Variants in CUEDC1 observed in about 807,000 individuals in gnomAD.
CUEDC1 encodes the protein CUE domain-containing protein 1.
Under a neutral mutation model 43.7 loss-of-function variants are expected in CUEDC1, and 30 were observed. That is an observed-to-expected ratio of 0.69 (90% CI 0.51 to 0.93). CUEDC1 has a LOEUF of 0.93. Ranked by LOEUF, CUEDC1 falls within the 40% of genes least tolerant of loss-of-function variation. The pLI is 0.00. For missense variants in CUEDC1, 486 were observed against 549.0 expected, an observed-to-expected ratio of 0.89 and a Z score of 1.15; for synonymous variants, 223 against 223.6, an observed-to-expected ratio of 1.00 and a Z score of 0.02.
intron 1 of CUEDC1, among the ~76,000 whole-genome samples, chr17:57,919,320 C>T (rs191355831): frequency 3.9e-4 from 59 of 152,240 alleles, no homozygotes; most frequent in African/African-American, 1.4e-3. Flanking sequence ...GCTGGGATTA[C>T]AGGCAGGCAC....
intron 10 of CUEDC1, among the ~76,000 whole-genome samples, chr17:57,864,412 G>A (rs1267336640): frequency 6.6e-6 from 1 of 152,184 alleles, no homozygotes; most frequent in Non-Finnish European, 1.5e-5. Context: ...CAAGGGCAGA[G>A]CAACAAGGAG....
chr17:57,867,541 C>A, intron 8 of CUEDC1, 126 bp from the exon 9 acceptor site: 1 of 823,372 alleles, frequency 1.2e-6, no homozygotes, highest in Non-Finnish European at 2.0e-6. Flanking sequence ...ACCTGACCCC[C>A]CACACCCTTA....
At chr17:57,946,675 G>T (rs2143231807) in intron 1 of CUEDC1, among the ~76,000 whole-genome samples, 1 of 152,246 alleles carries the variant, frequency 6.6e-6, no homozygotes, top group Non-Finnish European at 1.5e-5. Context: ...TTCCTTTCAG[G>T]TGTACACCTG....
intron 2 of CUEDC1, among the ~76,000 whole-genome samples, chr17:57,882,277 A>G (rs1029685829): frequency 7.0e-6 from 1 of 142,028 alleles, no homozygotes; most frequent in Non-Finnish European, 1.5e-5. Flanking sequence ...CTGCCTGCCT[A>G]TGGGCCCAGG....
At chr17:57,920,621 C>A (rs959523448) in intron 1 of CUEDC1, among the ~76,000 whole-genome samples, 5 of 126,966 alleles carry the variant, frequency 3.9e-5, no homozygotes, top group Non-Finnish European at 8.1e-5. Context: ...TCTGAATTTT[C>A]TTTTTCTTTT....
chr17:57,886,845 G>C (rs2074296755), intron 1 of CUEDC1, among the ~76,000 whole-genome samples: 1 of 136,750 alleles, frequency 7.3e-6, no homozygotes, highest in Non-Finnish European at 1.5e-5. Context: ...TTGAGACGGA[G>C]TCTCGCTCTG....
intron 10 of CUEDC1, 124 bp downstream of exon 10, chr17:57,866,350 G>A (rs941185290): frequency 2.7e-6 from 2 of 735,008 alleles, no homozygotes; most frequent in Non-Finnish European, 4.6e-6. Context: ...AAGACACGTG[G>A]GGCCTGTGCT....
chr17:57,934,993 C>A (rs2143175876), intron 1 of CUEDC1, among the ~76,000 whole-genome samples: 1 of 152,318 alleles, frequency 6.6e-6, no homozygotes, highest in African/African-American at 2.4e-5. Context: ...CAGGCATGAG[C>A]CACCACACCC....
intron 1 of CUEDC1, among the ~76,000 whole-genome samples, chr17:57,893,593 C>A (rs2074379007): frequency 6.6e-6 from 1 of 152,120 alleles, no homozygotes; most frequent in Non-Finnish European, 1.5e-5. Context: ...CCCGAGGCCC[C>A]CAGAGCTGCT....
intron 2 of CUEDC1, 126 bp downstream of exon 2, chr17:57,885,103 A>G: frequency 2.1e-6 from 3 of 1,439,360 alleles, no homozygotes; most frequent in Non-Finnish European, 1.8e-6. Context: ...TAGAACCCAG[A>G]TAGCGGAGTA....
At chr17:57,926,173 G>A (rs1365579651) in intron 1 of CUEDC1, among the ~76,000 whole-genome samples, 3 of 152,204 alleles carry the variant, frequency 2.0e-5, no homozygotes, top group Non-Finnish European at 2.9e-5. Context: ...AGAGTCAAGT[G>A]CAGAGGTGAG....
chr17:57,867,067 T>C (rs2073969415), intron 9 of CUEDC1: 7 of 515,130 alleles, frequency 1.4e-5, no homozygotes, highest in Admixed American at 3.2e-5. Flanking sequence ...CAGGCCTGTC[T>C]GCCACCTCAC....
At chr17:57,864,458 C>G (rs896618763) in intron 10 of CUEDC1, among the ~76,000 whole-genome samples, 1 of 151,884 alleles carries the variant, frequency 6.6e-6, no homozygotes, top group South Asian at 2.1e-4. Flanking sequence ...GCAACAGGAG[C>G]CAGGAGAGAG....
intron 1 of CUEDC1, among the ~76,000 whole-genome samples, chr17:57,891,519 G>T (rs574430607): frequency 6.6e-6 from 1 of 152,268 alleles, no homozygotes; most frequent in Admixed American, 6.5e-5. Context: ...CCCTTCCTCT[G>T]CTCCATGCCT....
At chr17:57,939,463 G>A (rs1237548621) in intron 1 of CUEDC1, among the ~76,000 whole-genome samples, 1 of 133,202 alleles carries the variant, frequency 7.5e-6, no homozygotes, top group African/African-American at 2.8e-5. Flanking sequence ...ATGTGGGTGG[G>A]GGGAGAGGGT....
chr17:57,954,572 C>CGGCGG lies in CUEDC1; in HGVS notation c.-316+648_-316+652dup, dbSNP rs1314985968. ...AGCTCAGAGCCTGGGGCACAGGAGC[C>CGGCGG]GGCGGGGCGGGCGAGCAGGGGCGGG... On this transcript the variant is annotated intron_variant, in intron 1 of 10. Transcript: ENST00000577830. This position sits in a 1 kb window ranked among gnomAD's most constrained non-coding sequence, Gnocchi z 4.3. Among the ~76,000 whole-genome samples, 3 of 152,130 alleles carry CGGCGG rather than the reference C, an allele frequency of 2.0e-5. No individual in the cohort carries two copies. The highest frequency in any genetic ancestry group is 7.2e-5 in the African/African-American group (3 of 41,420).
chr17:57,945,745 C>T (rs927685095), intron 1 of CUEDC1, among the ~76,000 whole-genome samples: 20 of 152,212 alleles, frequency 1.3e-4, no homozygotes, highest in African/African-American at 4.1e-4. Context: ...TTTGGCCGGG[C>T]GTGGTGGCTC....
At chr17:57,913,529 T>A (rs183198149) in intron 1 of CUEDC1, among the ~76,000 whole-genome samples, 1 of 152,132 alleles carries the variant, frequency 6.6e-6, no homozygotes, top group East Asian at 1.9e-4. Context: ...TTTCCTGAGG[T>A]GCACCCAAAC....
intron 1 of CUEDC1, among the ~76,000 whole-genome samples, chr17:57,942,789 G>A (rs956245034): frequency 6.6e-6 from 1 of 151,902 alleles, no homozygotes; most frequent in African/African-American, 2.4e-5. Context: ...AGCACTTTGG[G>A]AGGCCGAGGC....
Sources: allele counts gnomAD v4.1 joint callset (sites outside exome capture counted in the v4.1 genomes callset), GRCh38; gene constraint gnomAD v4.1.1; non-coding constraint Gnocchi (gnomAD v3.1); transcripts MANE v1.5; gene names NCBI Gene and HGNC (gene_info 2026-07-23, HGNC 2026-07-21).